TENM3: variants seen among roughly 807,000 people sequenced by gnomAD.
The protein encoded by TENM3 is teneurin-3.
TENM3 carries 63 observed loss-of-function variants against 255.1 expected under a neutral mutation model. That is an observed-to-expected ratio of 0.25 (90% confidence interval 0.20 to 0.30). TENM3 has a LOEUF of 0.30. Ranked by LOEUF, TENM3 falls within the 10% of genes least tolerant of loss-of-function variation. TENM3 has a pLI of 1.00. For synonymous variants in TENM3, 1,306 were observed against 1,322.3 expected, an observed-to-expected ratio of 0.99 and a Z score of 0.27; for missense variants, 2,929 against 3,461.1, an observed-to-expected ratio of 0.85 and a Z score of 3.86.
At chr4:181,489,811 G>T in the TENM3 span, among the ~76,000 whole-genome samples, 6 of 152,156 alleles carry the variant, frequency 3.9e-5, no homozygotes, top group African/African-American at 1.4e-4. Context: ...GCCCAACATA[G>T]CTTGCAATTT....
the TENM3 span, among the ~76,000 whole-genome samples, chr4:181,646,580 T>C: frequency 6.6e-6 from 1 of 152,182 alleles, no homozygotes; most frequent in Non-Finnish European, 1.5e-5. Flanking sequence ...CATCAACTCT[T>C]GTCCCATTCA....
chr4:182,581,367 A>C (rs1745476620), intron 3 of TENM3, among the ~76,000 whole-genome samples: 1 of 152,204 alleles, frequency 6.6e-6, no homozygotes, highest in Non-Finnish European at 1.5e-5. Context: ...AATTGTGGAA[A>C]TAATCAAAGC....
the TENM3 span, among the ~76,000 whole-genome samples, chr4:182,105,467 A>G: frequency 4.6e-5 from 7 of 152,194 alleles, no homozygotes; most frequent in African/African-American, 7.2e-5. Context: ...ATCAGTTTCA[A>G]TAATTTGCTA....
At chr4:181,709,845 G>A in the TENM3 span, among the ~76,000 whole-genome samples, 2 of 152,194 alleles carry the variant, frequency 1.3e-5, no homozygotes, top group African/African-American at 2.4e-5. Flanking sequence ...ATTGGGAGTA[G>A]CATATGGGAG....
the TENM3 span, among the ~76,000 whole-genome samples, chr4:181,718,515 T>C: frequency 6.6e-6 from 1 of 152,178 alleles, no homozygotes; most frequent in Admixed American, 6.5e-5. Context: ...ATTTGCTAAA[T>C]TATTGTATGT....
intron 1 of TENM3, among the ~76,000 whole-genome samples, chr4:182,235,566 C>T (rs915394765): frequency 6.6e-6 from 1 of 152,166 alleles, no homozygotes; most frequent in Non-Finnish European, 1.5e-5. Flanking sequence ...GGAACTACTA[C>T]ACATGTACAC....
At chr4:181,927,805 A>C in the TENM3 span, among the ~76,000 whole-genome samples, 1 of 152,162 alleles carries the variant, frequency 6.6e-6, no homozygotes, top group Non-Finnish European at 1.5e-5. Context: ...TGTCCCTCTG[A>C]GACGAAGCTT....
intron 1 of TENM3, among the ~76,000 whole-genome samples, chr4:182,211,384 A>G (rs961709976): frequency 2.0e-5 from 3 of 152,198 alleles, no homozygotes; most frequent in South Asian, 2.1e-4. Flanking sequence ...ATTATGCCAT[A>G]ATTCAATATT....
chr4:182,734,545 G>C (rs928137358), intron 16 of TENM3, among the ~76,000 whole-genome samples: 5 of 152,180 alleles, frequency 3.3e-5, no homozygotes, highest in African/African-American at 1.2e-4. Flanking sequence ...AGATGGAGAG[G>C]GCCTCGCAAT....
the TENM3 span, among the ~76,000 whole-genome samples, chr4:182,102,072 A>G: frequency 1.3e-5 from 2 of 152,216 alleles, no homozygotes; most frequent in African/African-American, 4.8e-5. Context: ...GCACTCAGGA[A>G]CAATAGCTGA....
the TENM3 span, among the ~76,000 whole-genome samples, chr4:181,935,860 C>A: frequency 6.6e-6 from 1 of 152,162 alleles, no homozygotes. Context: ...AAGCCTCAGA[C>A]AAACCTCATT....
At chr4:182,073,167 A>G in the TENM3 span, among the ~76,000 whole-genome samples, 1 of 152,192 alleles carries the variant, frequency 6.6e-6, no homozygotes, top group Non-Finnish European at 1.5e-5. Flanking sequence ...AGAAGCAGGC[A>G]CCCTCTTCAC....
the TENM3 span, among the ~76,000 whole-genome samples, chr4:181,809,900 G>T: frequency 5.4e-3 from 822 of 152,122 alleles, 8 homozygotes; most frequent in African/African-American, 0.018. Flanking sequence ...CACTCTCCCC[G>T]GAGCCCCCAG....
Position 182,743,355 on chromosome 4 carries a change from G to A in TENM3, c.3565G>A (p.Gly1189Ser), listed in dbSNP as rs757680192. 1 of 1,613,950 alleles carries A rather than the reference G, an allele frequency of 6.2e-7. No homozygotes were observed. Among genetic ancestry groups the A allele is most frequent in the East Asian group, 2.2e-5 (1 of 44,882 alleles). Residue 1189 changes from glycine to serine, a missense_variant, in exon 19 of 28, where the codon GGC becomes AGC. Physicochemically the swap from Gly to Ser is moderately conservative, Grantham distance 56. This residue lies in a region of TENM3 where 1,608 missense variants were observed against 1,884.4 expected (regional missense o/e 0.85). Transcript: ENST00000511685. The part of the protein sequence containing the change: ...ACGIDGSLYV[G>S]DFNYVRRIFP... ...TGGGATCGATGGCAGTCTGTACGTA[G>A]GCGATTTCAACTATGTGCGGCGGAT...
chr4:182,313,207 T>C (rs1205980682), intron 1 of TENM3, among the ~76,000 whole-genome samples: 2 of 151,994 alleles, frequency 1.3e-5, no homozygotes, highest in Non-Finnish European at 2.9e-5. Context: ...ACTTTTCTTA[T>C]AGCCTAAGGC....
At chr4:181,791,487 TTTTA>T in the TENM3 span, among the ~76,000 whole-genome samples, 1 of 152,216 alleles carries the variant, frequency 6.6e-6, no homozygotes, top group Non-Finnish European at 1.5e-5. Flanking sequence ...GTGTGAAGAA[TTTTA>T]TTTATTGTGC....
chr4:182,130,639 A>G, the TENM3 span, among the ~76,000 whole-genome samples: 2 of 151,918 alleles, frequency 1.3e-5, no homozygotes, highest in Non-Finnish European at 2.9e-5. Context: ...TCAACATAAC[A>G]TATTACCACA....
chr4:181,897,987 A>G, the TENM3 span, among the ~76,000 whole-genome samples: 1 of 152,316 alleles, frequency 6.6e-6, no homozygotes, highest in East Asian at 1.9e-4. Flanking sequence ...GAGCAATATC[A>G]GAGCCATATG....
rs550780669 is a variant in TENM3 at position 182,712,043 on chromosome 4, G to A, written c.2222-2044G>A. ...TGGTTAACATGTTGAGAGAAATTTC[G>A]TTTATTTCATATGGAAGCTTCTTTG... On this transcript the variant is annotated intron_variant, in intron 12 of 27. Coordinates refer to ENST00000511685, the MANE Select transcript of TENM3 (RefSeq NM_001080477.4). 3.9e-5 allele frequency among the ~76,000 whole-genome samples: 6 copies of A among 151,962 alleles called. No homozygotes were observed. In the South Asian group the frequency reaches 6.2e-4, roughly 16 times the overall value.
Sources: gnomAD v4.1 joint callset for allele counts (sites outside exome capture counted in the v4.1 genomes callset) on GRCh38, gnomAD v4.1.1 for gene constraint, gnomAD v4.1.1 regional missense constraint, MANE v1.5 for transcripts, NCBI Gene and HGNC (gene_info 2026-07-23, HGNC 2026-07-21) for gene names.